ELP1: variants seen among roughly 807,000 people sequenced by gnomAD.
ELP1 encodes elongator complex protein 1.
Under a neutral mutation model 183.2 loss-of-function variants are expected in ELP1, and 131 were observed. That is an observed-to-expected ratio of 0.72 (90% CI 0.62 to 0.83). The LOEUF (loss-of-function observed/expected upper bound fraction) is 0.83. Among genes scored for constraint, ELP1 ranks in the 40% least tolerant of loss-of-function variants. ELP1 has a pLI of 0.00. For synonymous variants in ELP1, 555 were observed against 569.0 expected, an observed-to-expected ratio of 0.98 and a Z score of 0.35; for missense variants, 1,550 against 1,594.9, an observed-to-expected ratio of 0.97 and a Z score of 0.48.
chr9:108,908,846 C>T (rs971777625), intron 12 of ELP1, among the ~76,000 whole-genome samples: 1 of 152,170 alleles, frequency 6.6e-6, no homozygotes, highest in Non-Finnish European at 1.5e-5. Context: ...CTATCTCACT[C>T]GGAGTAAAAG....
chr9:108,900,213 G>T, intron 19 of ELP1, 47 bp downstream of exon 19: 1 of 1,293,494 alleles, frequency 7.7e-7, no homozygotes, highest in Non-Finnish European at 1.1e-6. Flanking sequence ...TTGGTACTTG[G>T]CTGAATGACA....
At position 108,927,456 on chromosome 9, in the gene ELP1, G is replaced by T; in HGVS notation, c.304-3C>A. 6.2e-7 allele frequency: 1 copy of T among 1,611,850 alleles called. No individual in the cohort carries two copies. Among genetic ancestry groups the T allele is most frequent in the South Asian group, 1.1e-5 (1 of 91,040 alleles). On this transcript the variant is annotated splice_region_variant and splice_polypyrimidine_tract_variant and intron_variant, in intron 3 of 36. Coordinates refer to ENST00000374647, the MANE Select transcript of ELP1 (RefSeq NM_003640.5). ...GCTACACTCCCAACACACTCCAGCT[G>T]AGACAGAGAAAATTGAAAAGAGAGA...
intron 13 of ELP1, among the ~76,000 whole-genome samples, chr9:108,906,853 C>A (rs1203059704): frequency 1.3e-5 from 2 of 152,192 alleles, no homozygotes; most frequent in Non-Finnish European, 2.9e-5. Context: ...ATGTCACTTG[C>A]AGTAGAATGG....
intron 35 of ELP1, among the ~76,000 whole-genome samples, chr9:108,875,189 T>TG (rs1827660123): frequency 6.6e-6 from 1 of 152,078 alleles, no homozygotes; most frequent in Non-Finnish European, 1.5e-5. Context: ...AAGGTAAAGA[T>TG]GGGGGGTGGA....
chr9:108,871,826 T>C (rs1325848606), intron 36 of ELP1, among the ~76,000 whole-genome samples: 2 of 152,208 alleles, frequency 1.3e-5, no homozygotes, highest in Admixed American at 6.5e-5. Flanking sequence ...ACATAAAAGC[T>C]GCATCTTCAA....
chr9:108,914,416 G>A (rs111423134), intron 10 of ELP1, among the ~76,000 whole-genome samples: 16,563 of 112,526 alleles, frequency 0.15, 1,543 homozygotes, highest in Middle Eastern at 0.23. Context: ...AAAAAAAAGG[G>A]GGGGGGGGTT....
intron 10 of ELP1, among the ~76,000 whole-genome samples, chr9:108,915,034 T>TAGA (rs1829380727): frequency 6.6e-6 from 1 of 152,232 alleles, no homozygotes; most frequent in Non-Finnish European, 1.5e-5. Flanking sequence ...TACGAAGTGG[T>TAGA]AGAACTATGA....
At chr9:108,891,444 A>G in intron 27 of ELP1, 40 bp from the exon 28 acceptor site, 1 of 1,578,950 alleles carries the variant, frequency 6.3e-7, no homozygotes, top group Non-Finnish European at 8.7e-7. Flanking sequence ...AGGAAATATG[A>G]CAATCATTTC....
intron 2 of ELP1, 116 bp downstream of exon 2, chr9:108,930,881 T>C: frequency 1.0e-6 from 1 of 966,918 alleles, no homozygotes. Context: ...AAGATGTTTA[T>C]TTGGGAGGAT....
At position 108,917,606 on chromosome 9, in the gene ELP1, C is replaced by CA; in HGVS notation, c.804dup (p.Glu269Ter). ...TGTCCATGAAGGAGTCCATTTTTCT[C>CA]AAAAAACACAATATCCTGCTGGTTG... On this transcript the variant is annotated frameshift_variant, in exon 9 of 37. Transcript: ENST00000374647. LOFTEE classifies it high-confidence loss of function. 6.2e-7 allele frequency: 1 copy of CA among 1,613,846 alleles called. No individual in the cohort carries two copies. Among genetic ancestry groups the CA allele is most frequent in the East Asian group, 2.2e-5 (1 of 44,888 alleles).
chr9:108,879,548 A>T lies in ELP1; in HGVS notation c.3470T>A (p.Val1157Glu), dbSNP rs763943577. ...GAGGTCTGACTCTTGCCCGTGGGGT[A>T]CCTCATCATCTAGAAAAGAAGAACC... ...QAQQAGLDDE[V>E]PHGQESDLFS... The change falls in exon 33 of 37, where the codon GTA (valine) becomes GAA (glutamate). Residue 1157 changes from valine (V) to glutamate (E), a missense_variant. Transcript: ENST00000374647. 5.0e-6 allele frequency: 8 copies of T among 1,612,614 alleles called. No individual in the cohort carries two copies. The highest frequency in any genetic ancestry group is 1.3e-5 in the African/African-American group (1 of 74,866).
intron 36 of ELP1, among the ~76,000 whole-genome samples, chr9:108,873,959 A>T (rs1318216276): frequency 2.6e-5 from 4 of 152,228 alleles, no homozygotes; most frequent in African/African-American, 9.6e-5. Context: ...AAGAGGAGCT[A>T]GGAATACAGT....
chr9:108,931,968 G>A (rs151292032), intron 1 of ELP1, among the ~76,000 whole-genome samples: 55 of 152,196 alleles, frequency 3.6e-4, no homozygotes, highest in African/African-American at 1.3e-3. Context: ...ACCTAAGTAG[G>A]GGAAAAAAAT....
chr9:108,881,727 G>T lies in ELP1; in HGVS notation c.3324C>A (p.Asn1108Lys). 6.3e-7 allele frequency: 1 copy of T among 1,583,200 alleles called. No individual in the cohort carries two copies. The highest frequency in any genetic ancestry group is 8.7e-7 in the Non-Finnish European group (1 of 1,152,280). Residue 1108 changes from asparagine (N) to lysine (K), a missense_variant, in exon 31 of 37, where the codon AAC (asparagine) becomes AAA (lysine). Asn to Lys is a moderately conservative substitution (Grantham distance 94). Coordinates refer to ENST00000374647, the MANE Select transcript of ELP1 (RefSeq NM_003640.5). ...KYNRLDIIETNVKPSILEAQK... is the reference protein window; with the variant it reads ...KYNRLDIIETKVKPSILEAQK... ...CACCTTCTAAAATGGAAGGCTTTAC[G>T]TTGGTTTCTATAATATCCAGTCTGT...
intron 33 of ELP1, among the ~76,000 whole-genome samples, 192 bp from the exon 34 acceptor site, chr9:108,878,942 A>T (rs184321899): frequency 1.3e-5 from 2 of 152,368 alleles, no homozygotes; most frequent in East Asian, 3.9e-4. Flanking sequence ...CCCAAGCAAG[A>T]CTATAAACTC....
rs891579884 is a variant in ELP1, at chr9:108,868,858, G to C, written c.*257C>G. 5.0e-6 allele frequency: 3 copies of C among 601,240 alleles called. No individual in the cohort carries two copies. In the African/African-American group the frequency reaches 5.6e-5, roughly 11 times the overall value. 37.2% of individuals were successfully genotyped at this position (601,240 alleles called of 1,614,324 possible). A position where few individuals can be genotyped will look rare whatever the true frequency, so the allele number is the denominator to read the frequency against. ...ATAATTATGCTCTCAAACAGCCCAAGTGAAAGAACAATCATTCTCACAAAA... is the reference window on the plus strand; with the variant it reads ...ATAATTATGCTCTCAAACAGCCCAACTGAAAGAACAATCATTCTCACAAAA... On this transcript the variant is annotated 3_prime_UTR_variant, in exon 37 of 37. Transcript: ENST00000374647.
chr9:108,893,325 G>C (rs987088891), intron 26 of ELP1, among the ~76,000 whole-genome samples: 1 of 152,186 alleles, frequency 6.6e-6, no homozygotes, highest in African/African-American at 2.4e-5. Flanking sequence ...TTCCAGCCCA[G>C]TGTTTTCTCA....
chr9:108,922,548 C>T (rs1036472745), intron 6 of ELP1, among the ~76,000 whole-genome samples: 13 of 152,136 alleles, frequency 8.5e-5, no homozygotes, highest in South Asian at 4.1e-4. Context: ...GACATCGGGA[C>T]GGGATACACA....
chr9:108,881,743 T>C lies in ELP1; in HGVS notation c.3308A>G (p.Asp1103Gly), dbSNP rs1827938190. The change falls in exon 31 of 37, where the codon GAT becomes GGT. Residue 1103 changes from aspartate (D) to glycine (G), a missense_variant. Asp to Gly is a moderately conservative substitution (Grantham distance 94, BLOSUM62 -1). Coordinates refer to ENST00000374647, the MANE Select transcript of ELP1 (RefSeq NM_003640.5). ...AGGCTTTACGTTGGTTTCTATAATATCCAGTCTGTTATATTTGTATACCTA... is the reference window on the plus strand; with the variant it reads ...AGGCTTTACGTTGGTTTCTATAATACCCAGTCTGTTATATTTGTATACCTA... ...LRLVYKYNRLDIIETNVKPSI... is the reference protein window; with the variant it reads ...LRLVYKYNRLGIIETNVKPSI... 1.3e-6 allele frequency: 2 copies of C among 1,580,650 alleles called. No homozygotes were observed. Among genetic ancestry groups the C allele is most frequent in the South Asian group, 2.2e-5 (2 of 90,340 alleles).
Sources: gnomAD v4.1 joint callset for allele counts (sites outside exome capture counted in the v4.1 genomes callset) on GRCh38, gnomAD v4.1.1 for gene constraint, MANE v1.5 for transcripts, NCBI Gene and HGNC (gene_info 2026-07-23, HGNC 2026-07-21) for gene names.